PTPRT: variants seen among roughly 807,000 people sequenced by gnomAD.
The protein encoded by PTPRT is protein tyrosine phosphatase receptor type T, also known as receptor-type tyrosine-protein phosphatase T.
In PTPRT, 56 loss-of-function variants were observed where a neutral mutation model predicts 176.8. The ratio of observed to expected loss-of-function variants is 0.32; its 90% CI spans 0.26 to 0.40. The LOEUF (loss-of-function observed/expected upper bound fraction) is 0.40. PTPRT is among the 10% of genes least tolerant of loss of function. The probability of loss-of-function intolerance (pLI) is 1.00; values close to 1 mark genes in which losing one functional copy is unlikely to be tolerated. For missense variants in PTPRT, 1,540 were observed against 1,908.2 expected, an observed-to-expected ratio of 0.81 and a Z score of 3.60; for synonymous variants, 783 against 739.0, an observed-to-expected ratio of 1.06 and a Z score of -0.96.
At chr20:42,348,322 C>T (rs1488081191) in intron 11 of PTPRT, among the ~76,000 whole-genome samples, 2 of 152,132 alleles carry the variant, frequency 1.3e-5, no homozygotes, top group Non-Finnish European at 2.9e-5. Context: ...GAAAAGCAGC[C>T]AGACATTTCC....
chr20:43,118,306 A>G (rs2013131377), intron 1 of PTPRT, among the ~76,000 whole-genome samples: 1 of 152,256 alleles, frequency 6.6e-6, no homozygotes, highest in Admixed American at 6.5e-5. Context: ...ACATTGGTCC[A>G]TACCTCCAAG....
chr20:43,074,857 T>C (rs560096385), intron 1 of PTPRT, among the ~76,000 whole-genome samples: 20 of 152,378 alleles, frequency 1.3e-4, no homozygotes, highest in Admixed American at 3.9e-4. Context: ...ATCTTCCTTT[T>C]ACTCCTCCAA....
At chr20:42,909,828 G>A (rs576650191) in intron 1 of PTPRT, among the ~76,000 whole-genome samples, 1 of 152,232 alleles carries the variant, frequency 6.6e-6, no homozygotes, top group South Asian at 2.1e-4. Flanking sequence ...TTCACCTTGG[G>A]GAGAAAAAAC....
intron 17 of PTPRT, among the ~76,000 whole-genome samples, chr20:42,156,220 C>A (rs995684212): frequency 1.3e-5 from 2 of 152,180 alleles, no homozygotes; most frequent in African/African-American, 4.8e-5. Flanking sequence ...TGCATCCCAC[C>A]CCCAAGGATT....
chr20:42,227,251 G>A (rs1450428460), intron 15 of PTPRT, among the ~76,000 whole-genome samples: 4 of 152,144 alleles, frequency 2.6e-5, no homozygotes, highest in Non-Finnish European at 5.9e-5. Context: ...GTGGGCAGAG[G>A]AAAGGTTGAA....
intron 1 of PTPRT, among the ~76,000 whole-genome samples, chr20:43,055,379 G>A (rs905974746): frequency 3.3e-5 from 5 of 152,172 alleles, no homozygotes; most frequent in Admixed American, 6.5e-5. Context: ...GGAAAACGTC[G>A]AGGAAACATC....
chr20:43,013,360 A>G (rs2146157346), intron 1 of PTPRT, among the ~76,000 whole-genome samples: 1 of 152,262 alleles, frequency 6.6e-6, no homozygotes, highest in East Asian at 1.9e-4. Flanking sequence ...TTTATTCACA[A>G]CAAGCAACCA....
At chr20:42,922,984 C>T (rs2145956907) in intron 1 of PTPRT, among the ~76,000 whole-genome samples, 1 of 152,220 alleles carries the variant, frequency 6.6e-6, no homozygotes, top group Non-Finnish European at 1.5e-5. Context: ...TGGTTCCCAA[C>T]ACTTCACTCA....
At chr20:42,800,084 G>A (rs543361170) in intron 2 of PTPRT, among the ~76,000 whole-genome samples, 2 of 152,282 alleles carry the variant, frequency 1.3e-5, no homozygotes, top group African/African-American at 4.8e-5. Context: ...ATACCATCAT[G>A]TTTTACTTAA....
intron 7 of PTPRT, among the ~76,000 whole-genome samples, chr20:42,570,978 C>T (rs1472351774): frequency 6.6e-6 from 1 of 152,094 alleles, no homozygotes; most frequent in Non-Finnish European, 1.5e-5. Context: ...TTATTCTGCC[C>T]ACCCTAATGT....
At chr20:42,654,609 T>A (rs2145979988) in intron 7 of PTPRT, among the ~76,000 whole-genome samples, 1 of 152,340 alleles carries the variant, frequency 6.6e-6, no homozygotes, top group Admixed American at 6.5e-5. Flanking sequence ...CAATACCAGC[T>A]TTGCTGGATA....
At chr20:42,442,073 A>C (rs1457882261) in intron 9 of PTPRT, among the ~76,000 whole-genome samples, 1 of 152,196 alleles carries the variant, frequency 6.6e-6, no homozygotes, top group East Asian at 1.9e-4. Flanking sequence ...TGGTCAGTGC[A>C]GCAAAGCTGA....
intron 7 of PTPRT, among the ~76,000 whole-genome samples, chr20:42,557,547 G>C (rs559394044): frequency 6.6e-6 from 1 of 152,202 alleles, no homozygotes; most frequent in Non-Finnish European, 1.5e-5. Context: ...AGACAACTCT[G>C]CTACCAGAGG....
chr20:42,330,762 C>T (rs2057954501), intron 11 of PTPRT, among the ~76,000 whole-genome samples: 1 of 152,134 alleles, frequency 6.6e-6, no homozygotes, highest in African/African-American at 2.4e-5. Context: ...ACAAATAGAG[C>T]ATTCAAAGCA....
At chr20:42,777,920 A>G (rs2145489048) in intron 4 of PTPRT, among the ~76,000 whole-genome samples, 1 of 152,290 alleles carries the variant, frequency 6.6e-6, no homozygotes, top group Non-Finnish European at 1.5e-5. Context: ...CTTTCTGGGA[A>G]GTTTATGCTT....
chr20:42,716,471 T>C (rs2076224689), intron 6 of PTPRT, among the ~76,000 whole-genome samples: 1 of 152,248 alleles, frequency 6.6e-6, no homozygotes, highest in South Asian at 2.1e-4. Context: ...TATCTCATTG[T>C]GGCTTTGATT....
Position 42,661,318 on chromosome 20 carries a change from T to G in PTPRT, c.1153+16548A>C, listed in dbSNP as rs923283084. Among the ~76,000 whole-genome samples the G allele has an allele frequency of 1.2e-4, 19 of 152,120 alleles. No homozygotes were observed. The East Asian group carries it at 3.7e-3, about 29-fold the overall frequency. On this transcript the variant is annotated intron_variant, in intron 7 of 30. Coordinates refer to ENST00000373187, the MANE Select transcript of PTPRT (RefSeq NM_007050.6). ...TTATTTTATGCTGTAGAGTGACCAA[T>G]GAGACTAAAGGGCATATGGAGCATG...
At chr20:42,552,230 A>C (rs2072782964) in intron 7 of PTPRT, among the ~76,000 whole-genome samples, 1 of 152,208 alleles carries the variant, frequency 6.6e-6, no homozygotes, top group Non-Finnish European at 1.5e-5. Context: ...ATACCCTGGG[A>C]ATCAGATATA....
intron 2 of PTPRT, among the ~76,000 whole-genome samples, chr20:42,824,052 C>T (rs1270715351): frequency 6.6e-6 from 1 of 151,996 alleles, no homozygotes; most frequent in Non-Finnish European, 1.5e-5. Context: ...TAGGAATCAA[C>T]TTAAACAGAG....
Sources: allele counts gnomAD v4.1 joint callset (sites outside exome capture counted in the v4.1 genomes callset), GRCh38; gene constraint gnomAD v4.1.1; transcripts MANE v1.5; gene names NCBI Gene and HGNC (gene_info 2026-07-23, HGNC 2026-07-21).